Variants in HECA observed in about 807,000 individuals in gnomAD.
HECA encodes HECA ribonucleoprotein granule regulator.
Under a neutral mutation model 37.6 loss-of-function variants are expected in HECA, and 13 were observed. The observed-to-expected ratio is 0.35, with a 90% CI of 0.23 to 0.55. The LOEUF (loss-of-function observed/expected upper bound fraction) is 0.55. Ranked by LOEUF, HECA falls within the 20% of genes least tolerant of loss-of-function variation. The probability of loss-of-function intolerance (pLI) is 0.90; values close to 1 mark genes in which losing one functional copy is unlikely to be tolerated. For synonymous variants in HECA, 307 were observed against 291.5 expected (o/e 1.05, Z -0.54); for missense variants, 527 against 701.9 (o/e 0.75, Z 2.82).
intron 1 of HECA, among the ~76,000 whole-genome samples, chr6:139,151,577 A>G (rs1171732038): frequency 6.6e-6 from 1 of 152,166 alleles, no homozygotes; most frequent in Non-Finnish European, 1.5e-5. Context: ...TGAGTTTAGC[A>G]ATTCTATTAA....
chr6:139,176,810 C>A lies in HECA; in HGVS notation c.1468-131C>A, dbSNP rs1775058049. On this transcript the variant is annotated intron_variant, in intron 3 of 3. Coordinates refer to ENST00000367658, the MANE Select transcript of HECA (RefSeq NM_016217.3). The surrounding 1 kb of genome is among the most constrained non-coding windows in gnomAD (Gnocchi z 4.5). ...GGAGTCTTTCAGGTATACCCCGTTT[C>A]CATGTTTTTGGTAGTAAAAGGGATG... The A allele has an allele frequency of 6.3e-6, 4 of 639,608 alleles. No individual in the cohort carries two copies. Among genetic ancestry groups the A allele is most frequent in the Admixed American group, 5.2e-5 (2 of 38,412 alleles). 39.6% of individuals were successfully genotyped at this position (639,608 alleles called of 1,614,324 possible). A position where few individuals can be genotyped will look rare whatever the true frequency, so the allele number is the denominator to read the frequency against.
At chr6:139,142,424 A>G (rs995381100) in intron 1 of HECA, among the ~76,000 whole-genome samples, 1 of 152,110 alleles carries the variant, frequency 6.6e-6, no homozygotes, top group African/African-American at 2.4e-5. Context: ...TGCCCTATTG[A>G]AAGGTTGTAC....
intron 1 of HECA, among the ~76,000 whole-genome samples, chr6:139,159,413 G>A (rs1774765136): frequency 6.6e-6 from 1 of 152,116 alleles, no homozygotes; most frequent in African/African-American, 2.4e-5. Context: ...TACACAGCTA[G>A]TATCCCATGG....
rs1774424527 is a variant in HECA at position 139,135,645 on chromosome 6, G to C, written c.249G>C (p.Ala83=). 2 of 978,190 alleles carry C rather than the reference G, an allele frequency of 2.0e-6. No individual in the cohort carries two copies. The highest frequency in any genetic ancestry group is 1.3e-4 in the Admixed American group (2 of 15,948). 60.6% of individuals were successfully genotyped at this position (978,190 alleles called of 1,614,324 possible). ...ACGCTGCGGCCGCCGCGGGGGCTGC[G>C]GCCGCGGGCGATGCCAAAAACGGTA... is the stretch of plus-strand genomic sequence containing the variant. ...AANAAAAAGA[A]AAGDAKNEAP... is the part of the protein sequence containing the mutation. Residue 83 remains alanine, a synonymous_variant, in exon 1 of 4, where the codon GCG becomes GCC. Transcript: ENST00000367658.
rs151142605 is a variant in HECA at position 139,145,456 on chromosome 6, A to G, written c.271+9789A>G. Reference sequence around the variant, plus strand: ...TAAAGAAAAGTGAGGAAAAAGGAAGATGAAGTGTTCAATGTAGTCATATAA... The same window carrying G: ...TAAAGAAAAGTGAGGAAAAAGGAAGGTGAAGTGTTCAATGTAGTCATATAA... On this transcript the variant is annotated intron_variant, in intron 1 of 3. Transcript: ENST00000367658. Among the ~76,000 whole-genome samples the G allele has an allele frequency of 4.6e-5, 7 of 152,368 alleles. No homozygotes were observed. In the East Asian group the frequency reaches 1.3e-3, roughly 29 times the overall value.
At chr6:139,173,267 A>T (rs1775000432) in intron 2 of HECA, among the ~76,000 whole-genome samples, 2 of 152,182 alleles carry the variant, frequency 1.3e-5, no homozygotes, top group Non-Finnish European at 2.9e-5. Flanking sequence ...AACATGCCCC[A>T]TCCATTTACC....
Position 139,176,974 on chromosome 6 carries a change from G to C in HECA, c.1501G>C (p.Val501Leu). 1 of 872,716 alleles carries C rather than the reference G, an allele frequency of 1.1e-6. No individual in the cohort carries two copies. The highest frequency in any genetic ancestry group is 2.0e-6 in the Non-Finnish European group (1 of 501,510). 54.1% of individuals were successfully genotyped at this position (872,716 alleles called of 1,614,324 possible). Residue 501 changes from valine (V) to leucine (L), a missense_variant, in exon 4 of 4, where the codon GTG becomes CTG. Val to Leu is a conservative substitution (Grantham distance 32, BLOSUM62 1). This residue lies in a region of HECA where 106 missense variants were observed against 193.4 expected (regional missense o/e 0.55). Transcript: ENST00000367658. The surrounding 1 kb of genome is among the most constrained non-coding windows in gnomAD (Gnocchi z 4.5). ...RLNCKHCGKPVIDVRIGMQYF... is the reference protein window; with the variant it reads ...RLNCKHCGKPLIDVRIGMQYF... The stretch of plus-strand genomic sequence containing the variant: ...GAACTGTAAGCACTGTGGGAAGCCG[G>C]TGATCGACGTGAGGATCGGGATGCA...
chr6:139,167,179 T>C lies in HECA; in HGVS notation c.1167T>C (p.Ser389=), dbSNP rs1309605735. The C allele has an allele frequency of 8.7e-6, 14 of 1,614,156 alleles. No individual in the cohort carries two copies. Among genetic ancestry groups the C allele is most frequent in the Non-Finnish European group, 9.3e-6 (11 of 1,180,020 alleles). The change falls in exon 2 of 4, where the codon AGT becomes AGC. Residue 389 remains serine, a synonymous_variant. Coordinates refer to ENST00000367658, the MANE Select transcript of HECA (RefSeq NM_016217.3). The part of the protein sequence containing the change: ...DLRKFILAAL[S]ASHRNVVNCA... Reference sequence around the variant, plus strand: ...GGAAGTTCATTCTGGCCGCGCTCAGTGCCAGCCACAGAAACGTGGTAAACT... The same window carrying C: ...GGAAGTTCATTCTGGCCGCGCTCAGCGCCAGCCACAGAAACGTGGTAAACT...
chr6:139,162,246 G>C (rs1459920753), intron 1 of HECA, among the ~76,000 whole-genome samples: 1 of 152,144 alleles, frequency 6.6e-6, no homozygotes, highest in East Asian at 1.9e-4. Flanking sequence ...AGTCAGGATA[G>C]GGGGGCAATC....
At chr6:139,150,920 T>C (rs970328550) in intron 1 of HECA, among the ~76,000 whole-genome samples, 1 of 152,232 alleles carries the variant, frequency 6.6e-6, no homozygotes, top group Non-Finnish European at 1.5e-5. Context: ...AATCATATTA[T>C]AGCAAGTTGC....
At chr6:139,175,767 A>G (rs1775043383) in intron 3 of HECA, among the ~76,000 whole-genome samples, 1 of 152,214 alleles carries the variant, frequency 6.6e-6, no homozygotes, top group South Asian at 2.1e-4. Context: ...CACCATTGAA[A>G]GGCAATGAGA....
In HECA at chr6:139,177,607, G is replaced by A. The variant is rs1775069439; in HGVS notation, c.*502G>A. 1.3e-5 allele frequency: 2 copies of A among 152,710 alleles called. No individual in the cohort carries two copies. 9.5% of individuals were successfully genotyped at this position (152,710 alleles called of 1,614,324 possible). A position where few individuals can be genotyped will look rare whatever the true frequency, so the allele number is the denominator to read the frequency against. ...GTTCTGCAGCACACATGGGCAGGCA[G>A]TTTACTCACACTGACAGGTGACCTG... On this transcript the variant is annotated 3_prime_UTR_variant, in exon 4 of 4. Transcript: ENST00000367658. The surrounding 1 kb of genome is among the most constrained non-coding windows in gnomAD (Gnocchi z 4.9).
At chr6:139,137,930 A>G (rs569155482) in intron 1 of HECA, among the ~76,000 whole-genome samples, 44 of 152,254 alleles carry the variant, frequency 2.9e-4, no homozygotes, top group African/African-American at 9.4e-4. Flanking sequence ...TCCCATAGTC[A>G]GGGTCAGAGG....
At chr6:139,148,714 T>C (rs6936940) in intron 1 of HECA, among the ~76,000 whole-genome samples, 80,810 of 151,634 alleles carry the variant, frequency 0.53, 22,459 homozygotes, top group Non-Finnish European at 0.59. Context: ...TGCAGTGAGC[T>C]GAGATCATGC....
Position 139,180,154 on chromosome 6 carries a change from G to T in HECA, c.*3049G>T, listed in dbSNP as rs1229442768. ...AGTTACAGAGGAGCTTTCCTTAAAT[G>T]CCCTTTAACTTCTAGGTTTTGTTCA... On this transcript the variant is annotated 3_prime_UTR_variant, in exon 4 of 4. Transcript: ENST00000367658. 6.6e-6 allele frequency: 1 copy of T among 152,128 alleles called. No homozygotes were observed. Among genetic ancestry groups the T allele is most frequent in the Non-Finnish European group, 1.5e-5 (1 of 68,018 alleles). The allele number at this position is 152,128 out of a possible 1,614,324, so 9.4% of individuals were successfully genotyped here. A position where few individuals can be genotyped will look rare whatever the true frequency, so the allele number is the denominator to read the frequency against.
At chr6:139,140,282 G>T (rs1456937898) in intron 1 of HECA, among the ~76,000 whole-genome samples, 1 of 152,182 alleles carries the variant, frequency 6.6e-6, no homozygotes, top group African/African-American at 2.4e-5. Context: ...AGGATCTAAG[G>T]TATATAGGTT....
intron 1 of HECA, among the ~76,000 whole-genome samples, chr6:139,152,814 A>G (rs1411017275): frequency 6.6e-6 from 1 of 152,224 alleles, no homozygotes; most frequent in African/African-American, 2.4e-5. Context: ...TTTCATTTAA[A>G]TAATACTTGC....
At chr6:139,173,850 TGTG>T (rs1775010934) in intron 2 of HECA, among the ~76,000 whole-genome samples, 1 of 152,204 alleles carries the variant, frequency 6.6e-6, no homozygotes, top group Non-Finnish European at 1.5e-5. Context: ...CTAAATTAGA[TGTG>T]GTGATGGCTG....
In HECA at chr6:139,174,466, G is replaced by T; in HGVS notation, c.1394G>T (p.Arg465Leu). The T allele has an allele frequency of 6.2e-7, 1 of 1,613,992 alleles. No homozygotes were observed. The highest frequency in any genetic ancestry group is 8.5e-7 in the Non-Finnish European group (1 of 1,179,982). ...HKIICIKCKS[R>L]WDGSWHQLGT... Reference sequence around the variant, plus strand: ...ATCATCTGCATCAAGTGTAAGTCACGGTGGGATGGCAGCTGGCACCAGCTG... The same window carrying T: ...ATCATCTGCATCAAGTGTAAGTCACTGTGGGATGGCAGCTGGCACCAGCTG... Residue 465 changes from arginine to leucine, a missense_variant, in exon 3 of 4, where the codon CGG becomes CTG. By Grantham distance (102) the Arg-to-Leu change is moderately radical (BLOSUM62 -2). Coordinates refer to ENST00000367658, the MANE Select transcript of HECA (RefSeq NM_016217.3).
Sources: gnomAD v4.1 joint callset for allele counts (sites outside exome capture counted in the v4.1 genomes callset) on GRCh38, gnomAD v4.1.1 for gene constraint, gnomAD v4.1.1 regional missense constraint, Gnocchi (gnomAD v3.1) non-coding constraint, MANE v1.5 for transcripts, NCBI Gene and HGNC (gene_info 2026-07-23, HGNC 2026-07-21) for gene names.